ASXL1: variants seen among roughly 807,000 people sequenced by gnomAD.
ASXL1 encodes the protein ASXL transcriptional regulator 1, also known as polycomb group protein ASXL1.
Under a neutral mutation model 89.1 loss-of-function variants are expected in ASXL1, and 65 were observed. The observed-to-expected ratio is 0.73, with a 90% CI of 0.60 to 0.90. The LOEUF is 0.90. ASXL1 is among the 40% of genes least tolerant of loss of function. The probability of loss-of-function intolerance (pLI) is 0.00; values close to 1 mark genes in which losing one functional copy is unlikely to be tolerated. For synonymous variants in ASXL1, 739 were observed against 746.9 expected (o/e 0.99, Z 0.17); for missense variants, 1,786 against 1,942.9 (o/e 0.92, Z 1.52).
chr20:32,406,399 AAGTT>A (rs1162404511), intron 4 of ASXL1, among the ~76,000 whole-genome samples: 2 of 151,934 alleles, frequency 1.3e-5, no homozygotes, highest in African/African-American at 2.4e-5. Context: ...AAAAAAAAAA[AAGTT>A]AGCCAGGTGT....
intron 1 of ASXL1, chr20:32,359,383 C>T: frequency 1.4e-6 from 1 of 702,480 alleles, no homozygotes; most frequent in Non-Finnish European, 2.6e-6. Context: ...CCCTGAGCAG[C>T]GGTTCTCTAA....
At position 32,434,698 on chromosome 20, in the gene ASXL1, C is replaced by G. The variant is rs917709698; in HGVS notation, c.1986C>G (p.Gly662=). 4 of 1,606,572 alleles carry G rather than the reference C, an allele frequency of 2.5e-6. No homozygotes were observed. The highest frequency in any genetic ancestry group is 3.4e-6 in the Non-Finnish European group (4 of 1,176,892). ...CCACCGATGAGGGAGGTGGCAGAGG[C>G]AGCAGCAGTGGTGATGGTGGTGAGG... ...GGATDEGGGR[G]SSSGDGGEAC... The change falls in exon 13 of 13, where the codon GGC becomes GGG. Residue 662 remains glycine, a synonymous_variant. Transcript: ENST00000375687.
intron 4 of ASXL1, among the ~76,000 whole-genome samples, chr20:32,406,610 C>G (rs1053350069): frequency 2.0e-5 from 3 of 152,118 alleles, no homozygotes; most frequent in Non-Finnish European, 4.4e-5. Flanking sequence ...ACTGTTGCAG[C>G]CCTTTCTTCA....
In ASXL1 at chr20:32,433,888, A is replaced by G. The variant is rs994849358; in HGVS notation, c.1690A>G (p.Lys564Glu). ...TCACACCGAAAAGCCACAGCCCACT[A>G]AAGAGGAGCCCAAAGTCCCGCCCAT... The part of the protein sequence containing the change: ...SVHTEKPQPT[K>E]EEPKVPPIRI... Residue 564 changes from lysine (K) to glutamate (E), a missense_variant, in exon 12 of 13, where the codon AAA (lysine) becomes GAA (glutamate). Lys to Glu is a moderately conservative substitution (Grantham distance 56). Around this residue, in one of 3 missense-constraint regions of ASXL1, gnomAD observed 1,418 missense variants for 1,427.8 expected, o/e 0.99. Transcript: ENST00000375687. The G allele has an allele frequency of 2.5e-6, 4 of 1,613,536 alleles. No individual in the cohort carries two copies. The highest frequency in any genetic ancestry group is 3.4e-6 in the Non-Finnish European group (4 of 1,180,024).
At chr20:32,426,759 C>A (rs2011320817) in intron 4 of ASXL1, among the ~76,000 whole-genome samples, 1 of 151,514 alleles carries the variant, frequency 6.6e-6, no homozygotes, top group African/African-American at 2.4e-5. Context: ...AGGGTTTCAC[C>A]GTGTTGGCCA....
chr20:32,359,335 G>A (rs2048069719), intron 1 of ASXL1: 2 of 702,452 alleles, frequency 2.8e-6, no homozygotes, highest in Non-Finnish European at 5.2e-6. Context: ...TCTAAACCAG[G>A]TGCGTGGAGG....
At position 32,433,683 on chromosome 20, in the gene ASXL1, C is replaced by G. The variant is rs1367879606; in HGVS notation, c.1485C>G (p.Asp495Glu). The G allele has an allele frequency of 6.2e-7, 1 of 1,611,138 alleles. No homozygotes were observed. Among genetic ancestry groups the G allele is most frequent in the Non-Finnish European group, 8.5e-7 (1 of 1,177,682 alleles). Residue 495 changes from aspartate (D) to glutamate (E), a missense_variant, in exon 12 of 13, where the codon GAC becomes GAG. By Grantham distance (45) the Asp-to-Glu change is conservative (BLOSUM62 2). Around this residue, in one of 3 missense-constraint regions of ASXL1, gnomAD observed 1,418 missense variants for 1,427.8 expected, o/e 0.99. Coordinates refer to ENST00000375687, the MANE Select transcript of ASXL1 (RefSeq NM_015338.6). ...CTTCTCGGATCCAGGCTGAGCCAGA[C>G]AACTTGGCACGTGCCTCTGCATCTC... Reference protein sequence around the residue: ...SVASRIQAEPDNLARASASPD... With the variant: ...SVASRIQAEPENLARASASPD...
chr20:32,388,879 A>T (rs2048623649), intron 4 of ASXL1, among the ~76,000 whole-genome samples: 1 of 152,098 alleles, frequency 6.6e-6, no homozygotes, highest in Non-Finnish European at 1.5e-5. Flanking sequence ...CTTGTTATGA[A>T]ATATATAATT....
intron 4 of ASXL1, among the ~76,000 whole-genome samples, chr20:32,389,360 G>A (rs2048631766): frequency 6.6e-6 from 1 of 152,028 alleles, no homozygotes; most frequent in African/African-American, 2.4e-5. Flanking sequence ...CCTGTTCTTA[G>A]CATGTATTTG....
Position 32,438,409 on chromosome 20 carries a change from C to T in ASXL1, c.*1071C>T, listed in dbSNP as rs2012050303. On this transcript the variant is annotated 3_prime_UTR_variant, in exon 13 of 13. Coordinates refer to ENST00000375687, the MANE Select transcript of ASXL1 (RefSeq NM_015338.6). Reference sequence around the variant, plus strand: ...CATTGCATTAAAGTGGTGTAATCTCCTTCTCTACATCTGTTGTCAGAGCCA... The same window carrying T: ...CATTGCATTAAAGTGGTGTAATCTCTTTCTCTACATCTGTTGTCAGAGCCA... The T allele has an allele frequency of 8.6e-6, 2 of 232,608 alleles. No homozygotes were observed. Among genetic ancestry groups the T allele is most frequent in the African/African-American group, 2.2e-5 (1 of 44,652 alleles). 14.4% of individuals were successfully genotyped at this position (232,608 alleles called of 1,614,324 possible).
At chr20:32,395,510 T>A (rs1040519966) in intron 4 of ASXL1, among the ~76,000 whole-genome samples, 1 of 152,228 alleles carries the variant, frequency 6.6e-6, no homozygotes, top group Non-Finnish European at 1.5e-5. Context: ...TCATATTTCT[T>A]GTGTTTGAAT....
chr20:32,433,044 G>T (rs745460769), intron 11 of ASXL1, 59 bp downstream of exon 11: 2 of 1,602,352 alleles, frequency 1.2e-6, no homozygotes, highest in Non-Finnish European at 1.7e-6. Context: ...GAGGTAGATG[G>T]TCTCAAAATA....
At position 32,433,744 on chromosome 20, in the gene ASXL1, G is replaced by T. The variant is rs754265104; in HGVS notation, c.1546G>T (p.Asp516Tyr). ...TCCTAGCCTGCCTCAGGAAACTGTG[G>T]ATCAGGAACCCAAGGATCAGAAGAG... ...RIPSLPQETVDQEPKDQKRKS... is the reference protein window; with the variant it reads ...RIPSLPQETVYQEPKDQKRKS... Residue 516 changes from aspartate (D) to tyrosine (Y), a missense_variant, in exon 12 of 13, where the codon GAT (aspartate) becomes TAT (tyrosine). Around this residue, in one of 3 missense-constraint regions of ASXL1, gnomAD observed 1,418 missense variants for 1,427.8 expected, o/e 0.99. Transcript: ENST00000375687. The T allele has an allele frequency of 8.7e-6, 14 of 1,614,076 alleles. No homozygotes were observed. Among genetic ancestry groups the T allele is most frequent in the Non-Finnish European group, 1.1e-5 (13 of 1,179,944 alleles).
At position 32,435,420 on chromosome 20, in the gene ASXL1, C is replaced by G. The variant is rs754790367; in HGVS notation, c.2708C>G (p.Ser903Trp). 1 of 1,614,092 alleles carries G rather than the reference C, an allele frequency of 6.2e-7. No individual in the cohort carries two copies. Among genetic ancestry groups the G allele is most frequent in the Middle Eastern group, 1.6e-4 (1 of 6,062 alleles). Residue 903 changes from serine (S) to tryptophan (W), a missense_variant, in exon 13 of 13, where the codon TCG becomes TGG. Coordinates refer to ENST00000375687, the MANE Select transcript of ASXL1 (RefSeq NM_015338.6). Reference protein sequence around the residue: ...NSSLHWIPIPSNDEVVKQPKP... With the variant: ...NSSLHWIPIPWNDEVVKQPKP... ...TCTTTGCATTGGATACCCATCCCATCGAATGATGAGGTAGTGAAACAGCCC... is the reference window on the plus strand; with the variant it reads ...TCTTTGCATTGGATACCCATCCCATGGAATGATGAGGTAGTGAAACAGCCC...
chr20:32,361,377 C>A, intron 1 of ASXL1, among the ~76,000 whole-genome samples: 1 of 151,358 alleles, frequency 6.6e-6, no homozygotes, highest in East Asian at 2.0e-4. Flanking sequence ...CTGTGGCTCA[C>A]GCCTGTAATC....
At chr20:32,396,083 G>GCGAC (rs894452971) in intron 4 of ASXL1, among the ~76,000 whole-genome samples, 40 of 152,284 alleles carry the variant, frequency 2.6e-4, no homozygotes, top group Admixed American at 8.5e-4. Context: ...ACAGGAATGA[G>GCGAC]CGACCACACC....
At chr20:32,386,789 CT>C (rs11445027) in intron 4 of ASXL1, among the ~76,000 whole-genome samples, 40 of 129,590 alleles carry the variant, frequency 3.1e-4, no homozygotes, top group Non-Finnish European at 2.9e-4. Context: ...CTCTCTCTCT[CT>C]TTTTTTTTTT....
chr20:32,434,516 G>T lies in ASXL1; in HGVS notation c.1804G>T (p.Glu602Ter), dbSNP rs907795578. The T allele has an allele frequency of 6.2e-7, 1 of 1,614,008 alleles. No individual in the cohort carries two copies. The highest frequency in any genetic ancestry group is 8.5e-7 in the Non-Finnish European group (1 of 1,180,036). Residue 602 changes from glutamate (E) to a stop codon, truncating the protein, a stop_gained, in exon 13 of 13, where the codon GAG (glutamate) becomes TAG (stop). Transcript: ENST00000375687. LOFTEE classifies it low-confidence loss of function (END_TRUNC). ...ATGCCCCCGGATCATCCCCACCACG[G>T]AGTCCTCCTGCCGGGGTTGGACTGG... Reference protein sequence around the residue: ...QICPRIIPTTESSCRGWTGAR... With the variant: ...QICPRIIPTT
intron 1 of ASXL1, among the ~76,000 whole-genome samples, chr20:32,362,198 T>G (rs916366191): frequency 9.9e-5 from 15 of 152,212 alleles, no homozygotes; most frequent in Admixed American, 1.3e-4. Context: ...GACAGTTGAT[T>G]AGAACACCTG....
Sources: gnomAD v4.1 joint callset for allele counts (sites outside exome capture counted in the v4.1 genomes callset) on GRCh38, gnomAD v4.1.1 for gene constraint, gnomAD v4.1.1 regional missense constraint, MANE v1.5 for transcripts, NCBI Gene and HGNC (gene_info 2026-07-23, HGNC 2026-07-21) for gene names.